Variants in UST observed in about 807,000 individuals in gnomAD.
The protein encoded by UST is chondroitin sulfate 2-O-sulfotransferase.
In UST, 21 loss-of-function variants were observed where a neutral mutation model predicts 45.6. That is an observed-to-expected ratio of 0.46 (90% CI 0.33 to 0.66). The LOEUF is 0.66. UST is among the 30% of genes least tolerant of loss of function. The pLI is 0.02. For missense variants in UST, 463 were observed against 512.4 expected, an observed-to-expected ratio of 0.90 and a Z score of 0.93; for synonymous variants, 215 against 200.6, an observed-to-expected ratio of 1.07 and a Z score of -0.61.
chr6:148,766,403 C>T (rs1359750426), intron 1 of UST, among the ~76,000 whole-genome samples: 5 of 152,170 alleles, frequency 3.3e-5, no homozygotes, highest in Admixed American at 6.5e-5. Context: ...CCCACTTGCC[C>T]TCCTTTATAT....
chr6:148,886,585 A>T (rs924057443), intron 1 of UST, among the ~76,000 whole-genome samples: 3 of 152,212 alleles, frequency 2.0e-5, no homozygotes, highest in Admixed American at 6.5e-5. Flanking sequence ...TCTCTTGGGA[A>T]CTGGTTAGAA....
intron 1 of UST, among the ~76,000 whole-genome samples, chr6:148,854,899 A>G (rs1027301031): frequency 2.0e-5 from 3 of 152,166 alleles, no homozygotes; most frequent in Non-Finnish European, 4.4e-5. Context: ...TTTTCACACT[A>G]CTGATAAAGA....
At chr6:148,896,008 T>G (rs1779122603) in intron 2 of UST, among the ~76,000 whole-genome samples, 1 of 152,264 alleles carries the variant, frequency 6.6e-6, no homozygotes, top group Non-Finnish European at 1.5e-5. Context: ...CATTCCTTGC[T>G]TTGAGCTTAA....
At chr6:148,857,953 G>GA (rs975001738) in intron 1 of UST, among the ~76,000 whole-genome samples, 19 of 151,248 alleles carry the variant, frequency 1.3e-4, no homozygotes, top group East Asian at 5.8e-4. Flanking sequence ...GGGCGAAAAT[G>GA]AAAAAAAACC....
chr6:148,912,909 C>T (rs1292265405), intron 2 of UST, among the ~76,000 whole-genome samples: 1 of 152,158 alleles, frequency 6.6e-6, no homozygotes, highest in Non-Finnish European at 1.5e-5. Flanking sequence ...GATCAGTTAT[C>T]AGTGGTAATG....
At chr6:148,897,568 T>C (rs1779161001) in intron 2 of UST, among the ~76,000 whole-genome samples, 1 of 152,052 alleles carries the variant, frequency 6.6e-6, no homozygotes, top group East Asian at 1.9e-4. Flanking sequence ...CATAGCTCAC[T>C]GTAGCCTTGA....
intron 5 of UST, among the ~76,000 whole-genome samples, chr6:148,981,455 G>A (rs540250608): frequency 6.6e-6 from 1 of 152,276 alleles, no homozygotes; most frequent in East Asian, 1.9e-4. Context: ...GTCCTTCCCA[G>A]CCTGACTGTC....
Position 148,748,453 on chromosome 6 carries a change from G to GTGTGTGTGTGT in UST, c.247+776_247+777insTGTGTGTGTGT, listed in dbSNP as rs1554287613. On this transcript the variant is annotated intron_variant, in intron 1 of 7. Transcript: ENST00000367463. This position sits in a 1 kb window ranked among gnomAD's most constrained non-coding sequence, Gnocchi z 5.3. ...TGTGTGTGTGTGTGTGTGTGTGTGT[G>GTGTGTGTGTGT]GTTTATTAGGAGAGAGGCCGCCTGT... 1.4e-5 allele frequency among the ~76,000 whole-genome samples: 2 copies of GTGTGTGTGTGT among 140,562 alleles called. No homozygotes were observed. Among genetic ancestry groups the GTGTGTGTGTGT allele is most frequent in the East Asian group, 2.2e-4 (1 of 4,618 alleles). The allele number at this position is 140,562 out of a possible 152,430, so 92.2% of individuals were successfully genotyped here.
chr6:148,881,689 C>T (rs1778825216), intron 1 of UST, among the ~76,000 whole-genome samples: 1 of 152,142 alleles, frequency 6.6e-6, no homozygotes, highest in Admixed American at 6.5e-5. Flanking sequence ...TTTGGGGCTG[C>T]CCTTCCATCC....
chr6:148,773,198 G>A (rs535826211), intron 1 of UST, among the ~76,000 whole-genome samples: 8 of 152,124 alleles, frequency 5.3e-5, no homozygotes, highest in South Asian at 2.1e-4. Context: ...GGTGGCTCAC[G>A]CCTGTAATCC....
chr6:148,859,349 T>C (rs1266507489), intron 1 of UST, among the ~76,000 whole-genome samples: 1 of 152,266 alleles, frequency 6.6e-6, no homozygotes, highest in Admixed American at 6.5e-5. Context: ...GTTTGATTTT[T>C]TTCTTGGAAA....
intron 1 of UST, among the ~76,000 whole-genome samples, chr6:148,766,350 C>T (rs556582377): frequency 1.3e-5 from 2 of 149,636 alleles, no homozygotes; most frequent in South Asian, 4.2e-4. Flanking sequence ...ACCCACTCAC[C>T]CACTTGCTCT....
chr6:148,763,461 T>C (rs78087316), intron 1 of UST, among the ~76,000 whole-genome samples: 5,692 of 152,248 alleles, frequency 0.037, 363 homozygotes, highest in African/African-American at 0.13. Context: ...CTGCAAGTTG[T>C]TTGTTTACTC....
intron 5 of UST, among the ~76,000 whole-genome samples, chr6:149,010,910 A>AAAAAAAAAAC (rs1775797948): frequency 6.7e-6 from 1 of 149,470 alleles, no homozygotes; most frequent in African/African-American, 2.5e-5. Flanking sequence ...AAAAAAAAAA[A>AAAAAAAAAAC]AAAAAAAAAC....
chr6:149,018,611 C>A (rs1277894710), intron 5 of UST, among the ~76,000 whole-genome samples: 1 of 152,104 alleles, frequency 6.6e-6, no homozygotes, highest in Non-Finnish European at 1.5e-5. Flanking sequence ...GAGAGGGTGT[C>A]TGTATATAAA....
At chr6:148,898,769 C>T (rs1011101403) in intron 2 of UST, among the ~76,000 whole-genome samples, 1 of 152,134 alleles carries the variant, frequency 6.6e-6, no homozygotes, top group African/African-American at 2.4e-5. Flanking sequence ...GTATCTTCCC[C>T]ACCCCAATCC....
At chr6:148,807,329 C>A (rs1463007593) in intron 1 of UST, among the ~76,000 whole-genome samples, 1 of 152,100 alleles carries the variant, frequency 6.6e-6, no homozygotes. Flanking sequence ...ATCATCCTTA[C>A]CTCTTTAGGC....
intron 4 of UST, among the ~76,000 whole-genome samples, chr6:148,960,617 G>A (rs1246824827): frequency 1.3e-5 from 2 of 152,216 alleles, no homozygotes; most frequent in East Asian, 1.9e-4. Context: ...ACGTGAAAAC[G>A]TTTTGGAGAC....
intron 1 of UST, among the ~76,000 whole-genome samples, chr6:148,761,204 G>A (rs563981520): frequency 2.6e-5 from 4 of 152,160 alleles, no homozygotes; most frequent in African/African-American, 4.8e-5. Flanking sequence ...TGGGAGCCAC[G>A]TCGATGTGGG....
Sources: allele counts gnomAD v4.1 joint callset (sites outside exome capture counted in the v4.1 genomes callset), GRCh38; gene constraint gnomAD v4.1.1; non-coding constraint Gnocchi (gnomAD v3.1); transcripts MANE v1.5; gene names NCBI Gene and HGNC (gene_info 2026-07-23, HGNC 2026-07-21).